SETBP1: variants seen among roughly 807,000 people sequenced by gnomAD.
The protein encoded by SETBP1 is SET-binding protein.
SETBP1 carries 9 observed loss-of-function variants against 101.0 expected under a neutral mutation model. That is an observed-to-expected ratio of 0.09 (90% confidence interval 0.05 to 0.16). The LOEUF (loss-of-function observed/expected upper bound fraction) is 0.16. Among genes scored for constraint, SETBP1 ranks in the 10% least tolerant of loss-of-function variants. The pLI is 1.00. For missense variants in SETBP1, 1,858 were observed against 2,033.8 expected (o/e 0.91, Z 1.66); for synonymous variants, 818 against 788.5 (o/e 1.04, Z -0.63).
chr18:45,007,066 C>A (rs914984272), intron 4 of SETBP1, among the ~76,000 whole-genome samples: 3 of 152,142 alleles, frequency 2.0e-5, no homozygotes, highest in Non-Finnish European at 4.4e-5. Context: ...AGTTATAAAC[C>A]TCCTCAGTAT....
chr18:44,930,468 A>T (rs1037126956), intron 3 of SETBP1, among the ~76,000 whole-genome samples: 3 of 152,132 alleles, frequency 2.0e-5, no homozygotes, highest in Non-Finnish European at 2.9e-5. Context: ...ATTAGGAAGG[A>T]TTCACTCTTT....
intron 2 of SETBP1, among the ~76,000 whole-genome samples, chr18:44,796,839 A>G (rs887614426): frequency 2.0e-5 from 3 of 152,166 alleles, no homozygotes; most frequent in Non-Finnish European, 4.4e-5. Flanking sequence ...ACATGCATAC[A>G]CACACATACA....
intron 3 of SETBP1, among the ~76,000 whole-genome samples, chr18:44,893,613 A>T (rs1412954003): frequency 6.6e-6 from 1 of 152,082 alleles, no homozygotes; most frequent in Non-Finnish European, 1.5e-5. Context: ...TTCATTTTTG[A>T]ACTTTATATA....
intron 3 of SETBP1, among the ~76,000 whole-genome samples, chr18:44,932,277 T>G (rs2070854595): frequency 6.6e-6 from 1 of 152,234 alleles, no homozygotes; most frequent in Non-Finnish European, 1.5e-5. Context: ...CCCACTCTCT[T>G]CTGGCTTGTA....
At chr18:44,876,794 C>T (rs1418937448) in intron 3 of SETBP1, 1 of 1,446,708 alleles carries the variant, frequency 6.9e-7, no homozygotes, top group African/African-American at 1.4e-5. Flanking sequence ...GTGGTCATTC[C>T]CTGTTCTTTC....
chr18:44,702,447 A>G (rs1232546849), intron 2 of SETBP1, among the ~76,000 whole-genome samples: 3 of 152,356 alleles, frequency 2.0e-5, no homozygotes, highest in East Asian at 3.9e-4. Context: ...TATAATGTCT[A>G]GTTCTTTATC....
chr18:44,978,199 C>A (rs1031189071), intron 4 of SETBP1, among the ~76,000 whole-genome samples: 1 of 152,158 alleles, frequency 6.6e-6, no homozygotes, highest in Non-Finnish European at 1.5e-5. Context: ...AACACTAGGA[C>A]AGGCCCATAT....
chr18:44,856,301 A>T (rs2072975911), intron 2 of SETBP1, among the ~76,000 whole-genome samples: 1 of 152,188 alleles, frequency 6.6e-6, no homozygotes, highest in Admixed American at 6.5e-5. Flanking sequence ...AAGGTGGAAA[A>T]GGGAATTCCT....
intron 4 of SETBP1, among the ~76,000 whole-genome samples, chr18:45,002,270 G>A (rs2072632983): frequency 6.6e-6 from 1 of 151,738 alleles, no homozygotes; most frequent in African/African-American, 2.4e-5. Flanking sequence ...AGATGGTGGA[G>A]GGCAAGGGTT....
intron 2 of SETBP1, among the ~76,000 whole-genome samples, chr18:44,807,360 C>T (rs1245995524): frequency 6.6e-6 from 1 of 151,804 alleles, no homozygotes; most frequent in Non-Finnish European, 1.5e-5. Context: ...TATCAGTAAG[C>T]ATTTTACATT....
chr18:44,815,599 A>G (rs2071957777), intron 2 of SETBP1, among the ~76,000 whole-genome samples: 1 of 152,190 alleles, frequency 6.6e-6, no homozygotes, highest in Non-Finnish European at 1.5e-5. Context: ...CTATTCATGC[A>G]TATAGTGTTT....
intron 5 of SETBP1, among the ~76,000 whole-genome samples, chr18:45,059,369 A>C (rs2073856608): frequency 6.6e-6 from 1 of 152,210 alleles, no homozygotes; most frequent in Non-Finnish European, 1.5e-5. Flanking sequence ...TAGTTACATA[A>C]TATCATGAAA....
At chr18:45,034,452 G>C (rs1429911368) in intron 4 of SETBP1, among the ~76,000 whole-genome samples, 1 of 152,024 alleles carries the variant, frequency 6.6e-6, no homozygotes, top group East Asian at 1.9e-4. Context: ...AGGTTTGAGG[G>C]GATAAGTGGT....
intron 2 of SETBP1, among the ~76,000 whole-genome samples, chr18:44,738,918 G>A (rs530346537): frequency 7.7e-4 from 117 of 152,208 alleles, no homozygotes; most frequent in African/African-American, 2.7e-3. Context: ...ATATTTCTGG[G>A]GGTTAAAGTC....
At chr18:44,704,619 G>A (rs2069180657) in intron 2 of SETBP1, among the ~76,000 whole-genome samples, 1 of 152,214 alleles carries the variant, frequency 6.6e-6, no homozygotes, top group Admixed American at 6.5e-5. Flanking sequence ...GGATGAGAAT[G>A]TTAACTTTAT....
intron 4 of SETBP1, among the ~76,000 whole-genome samples, chr18:44,981,681 A>T (rs1014407680): frequency 4.6e-5 from 7 of 152,202 alleles, no homozygotes; most frequent in African/African-American, 1.7e-4. Flanking sequence ...TTACATCAGA[A>T]CCACTCAGTG....
intron 2 of SETBP1, among the ~76,000 whole-genome samples, chr18:44,776,437 G>C (rs1300466087): frequency 6.6e-6 from 1 of 152,132 alleles, no homozygotes. Context: ...ATTTCATTTA[G>C]TGACACCGTG....
At chr18:44,742,049 A>G (rs1315788518) in intron 2 of SETBP1, among the ~76,000 whole-genome samples, 1 of 152,182 alleles carries the variant, frequency 6.6e-6, no homozygotes, top group African/African-American at 2.4e-5. Flanking sequence ...TACCCATTTC[A>G]AACAGACCAT....
intron 3 of SETBP1, among the ~76,000 whole-genome samples, chr18:44,914,366 A>G (rs973826400): frequency 6.6e-6 from 1 of 152,236 alleles, no homozygotes; most frequent in Admixed American, 6.5e-5. Context: ...CACAGAACGT[A>G]CTTGAGCTAT....
Sources: allele counts gnomAD v4.1 joint callset (sites outside exome capture counted in the v4.1 genomes callset), GRCh38; gene constraint gnomAD v4.1.1; transcripts MANE v1.5; gene names NCBI Gene and HGNC (gene_info 2026-07-23, HGNC 2026-07-21).